The following RGS6 variants were observed in gnomAD, a reference collection of about 807,000 sequenced individuals.
RGS6 encodes the protein regulator of G protein signaling 6, also known as regulator of G-protein signaling 6.
In RGS6, 30 loss-of-function variants were observed where a neutral mutation model predicts 78.5. The ratio of observed to expected loss-of-function variants is 0.38; its 90% CI spans 0.29 to 0.52. The LOEUF is 0.52. Ranked by LOEUF, RGS6 falls within the 20% of genes least tolerant of loss-of-function variation. The probability of loss-of-function intolerance (pLI) is 0.85; values close to 1 mark genes in which losing one functional copy is unlikely to be tolerated. For missense variants in RGS6, 495 were observed against 609.7 expected (o/e 0.81, Z 1.98); for synonymous variants, 206 against 206.0 (o/e 1.00, Z 0.00).
At chr14:71,968,729 C>T (rs562766742) in intron 2 of RGS6, among the ~76,000 whole-genome samples, 8 of 152,154 alleles carry the variant, frequency 5.3e-5, no homozygotes, top group Non-Finnish European at 1.0e-4. Flanking sequence ...GCTGAGTAGC[C>T]ATGGGGCACA....
At chr14:72,054,358 CT>C (rs1186539306) in intron 2 of RGS6, among the ~76,000 whole-genome samples, 1 of 151,996 alleles carries the variant, frequency 6.6e-6, no homozygotes, top group African/African-American at 2.4e-5. Context: ...GGAGGAATCA[CT>C]GTGCTCGAAG....
At chr14:72,138,757 A>G (rs2096491306) in intron 2 of RGS6, among the ~76,000 whole-genome samples, 1 of 152,064 alleles carries the variant, frequency 6.6e-6, no homozygotes, top group African/African-American at 2.4e-5. Context: ...TGTGAACTGC[A>G]TATGTGAGGA....
At chr14:72,548,152 C>G (rs1185203194) in intron 17 of RGS6, among the ~76,000 whole-genome samples, 1 of 152,092 alleles carries the variant, frequency 6.6e-6, no homozygotes, top group African/African-American at 2.4e-5. Flanking sequence ...TCAGCCATGG[C>G]CCATCCAATA....
the RGS6 span, among the ~76,000 whole-genome samples, chr14:72,581,286 T>A: frequency 6.6e-6 from 1 of 152,208 alleles, no homozygotes. Context: ...GCACCCCATC[T>A]ATCCATACCT....
At chr14:71,943,529 C>T (rs1490395247) in intron 1 of RGS6, among the ~76,000 whole-genome samples, 1 of 152,136 alleles carries the variant, frequency 6.6e-6, no homozygotes, top group African/African-American at 2.4e-5. Context: ...AATCCTGCTC[C>T]ATAGTTCTCA....
At chr14:72,399,424 G>T (rs922011941) in intron 3 of RGS6, among the ~76,000 whole-genome samples, 3 of 151,930 alleles carry the variant, frequency 2.0e-5, no homozygotes, top group Non-Finnish European at 4.4e-5. Flanking sequence ...GCCTATGTGT[G>T]TCTCTGCACG....
chr14:72,224,179 G>C (rs1167264511), intron 2 of RGS6, among the ~76,000 whole-genome samples: 1 of 152,208 alleles, frequency 6.6e-6, no homozygotes, highest in African/African-American at 2.4e-5. Flanking sequence ...AACACGTTGG[G>C]AGGCCAAGGT....
intron 15 of RGS6, among the ~76,000 whole-genome samples, chr14:72,535,530 AT>A (rs1428523215): frequency 1.3e-5 from 2 of 152,172 alleles, no homozygotes; most frequent in African/African-American, 4.8e-5. Flanking sequence ...CATGGCTACA[AT>A]CCCCTGATTT....
At chr14:72,473,598 A>G (rs1420018918) in intron 9 of RGS6, among the ~76,000 whole-genome samples, 1 of 152,170 alleles carries the variant, frequency 6.6e-6, no homozygotes, top group Non-Finnish European at 1.5e-5. Flanking sequence ...ATCTTCAACT[A>G]TTCTCTGTCG....
At chr14:72,244,062 A>G (rs752955361) in intron 2 of RGS6, among the ~76,000 whole-genome samples, 5 of 152,158 alleles carry the variant, frequency 3.3e-5, no homozygotes, top group Non-Finnish European at 7.3e-5. Flanking sequence ...CCTGCAGTCT[A>G]CCCTCAGAAC....
intron 2 of RGS6, among the ~76,000 whole-genome samples, chr14:72,345,854 TA>T (rs1252679547): frequency 6.6e-6 from 1 of 152,142 alleles, no homozygotes; most frequent in African/African-American, 2.4e-5. Flanking sequence ...TCTTTAAAAA[TA>T]AAAAAGAGAA....
intron 2 of RGS6, among the ~76,000 whole-genome samples, chr14:72,005,566 T>C (rs2084390036): frequency 6.6e-6 from 1 of 152,202 alleles, no homozygotes; most frequent in South Asian, 2.1e-4. Context: ...TTATTTTCTT[T>C]CTTGTGCTTA....
intron 2 of RGS6, among the ~76,000 whole-genome samples, chr14:72,289,540 C>T (rs2063202847): frequency 6.6e-6 from 1 of 152,194 alleles, no homozygotes; most frequent in African/African-American, 2.4e-5. Flanking sequence ...TTCCTCAGGA[C>T]ATTATTGTTG....
chr14:71,924,372 A>G, the RGS6 span, among the ~76,000 whole-genome samples: 5 of 152,212 alleles, frequency 3.3e-5, no homozygotes, highest in Admixed American at 3.3e-4. Context: ...TCCGTCACTT[A>G]CCTAGTTACC....
the RGS6 span, among the ~76,000 whole-genome samples, chr14:71,901,277 A>G: frequency 6.6e-6 from 1 of 152,256 alleles, no homozygotes; most frequent in Admixed American, 6.5e-5. Context: ...CTTTAGAGTC[A>G]GACTTCCTTG....
chr14:72,025,640 C>CT (rs1245760601), intron 2 of RGS6, among the ~76,000 whole-genome samples: 1 of 152,058 alleles, frequency 6.6e-6, no homozygotes, highest in Non-Finnish European at 1.5e-5. Flanking sequence ...TTTTTATGGT[C>CT]TGAATATCTT....
rs370668741 is a variant in RGS6 at position 72,141,971 on chromosome 14, T to G, written c.84+177096T>G. The stretch of plus-strand genomic sequence containing the variant: ...AATGCTTGTATCCATTAAATACATA[T>G]TGAAGTAACTTCTACTCCAGTGACC... On this transcript the variant is annotated intron_variant, in intron 2 of 17. Coordinates refer to ENST00000553525, the MANE Select transcript of RGS6 (RefSeq NM_001204424.2). Among the ~76,000 whole-genome samples the G allele has an allele frequency of 2.1e-4, 32 of 152,114 alleles. No individual in the cohort carries two copies. The East Asian group carries it at 3.7e-3, about 17-fold the overall frequency.
chr14:72,619,473 A>G, the RGS6 span: 4 of 1,300,030 alleles, frequency 3.1e-6, no homozygotes, highest in Admixed American at 4.3e-5. Context: ...AACTTTGGCA[A>G]TGCAGAAACC....
intron 13 of RGS6, among the ~76,000 whole-genome samples, chr14:72,508,593 T>A (rs970581455): frequency 8.3e-5 from 10 of 120,732 alleles, no homozygotes; most frequent in South Asian, 5.3e-4. Context: ...TTTTTTTTTT[T>A]ACTAAGTGGA....
Sources: gnomAD v4.1 joint callset for allele counts (sites outside exome capture counted in the v4.1 genomes callset) on GRCh38, gnomAD v4.1.1 for gene constraint, MANE v1.5 for transcripts, NCBI Gene and HGNC (gene_info 2026-07-23, HGNC 2026-07-21) for gene names.